SPAM1: variants seen among roughly 807,000 people sequenced by gnomAD.
The protein encoded by SPAM1 is hyaluronidase PH-20.
SPAM1 carries 22 observed loss-of-function variants against 29.6 expected under a neutral mutation model. That is an observed-to-expected ratio of 0.74 (90% CI 0.53 to 1.06). SPAM1 has a LOEUF of 1.06. Ranked by LOEUF, SPAM1 falls within the 50% of genes least tolerant of loss-of-function variation. The probability of loss-of-function intolerance (pLI) is 0.00; values close to 1 mark genes in which losing one functional copy is unlikely to be tolerated. For synonymous variants in SPAM1, 194 were observed against 204.6 expected (o/e 0.95, Z 0.44); for missense variants, 534 against 604.0 (o/e 0.88, Z 1.21).
chr7:123,939,040 T>C (rs1808342356), intron 1 of SPAM1, among the ~76,000 whole-genome samples: 1 of 151,956 alleles, frequency 6.6e-6, no homozygotes, highest in South Asian at 2.1e-4. Context: ...TCAGCAAAGC[T>C]ATTATGTTTT....
intron 1 of SPAM1, among the ~76,000 whole-genome samples, chr7:123,939,151 T>C (rs888807438): frequency 6.6e-6 from 1 of 150,726 alleles, no homozygotes; most frequent in African/African-American, 2.4e-5. Flanking sequence ...AGTGGTGCGA[T>C]CTCGGCTCAC....
At chr7:123,947,259 G>A (rs1379242182) in intron 1 of SPAM1, among the ~76,000 whole-genome samples, 1 of 152,000 alleles carries the variant, frequency 6.6e-6, no homozygotes, top group Non-Finnish European at 1.5e-5. Context: ...ACCAAATGCT[G>A]AGCAATAAGT....
At chr7:123,939,515 T>A (rs969463858) in intron 1 of SPAM1, among the ~76,000 whole-genome samples, 3 of 152,226 alleles carry the variant, frequency 2.0e-5, no homozygotes, top group Non-Finnish European at 4.4e-5. Flanking sequence ...ATGCTTGGTT[T>A]TTCTTTGAAT....
At chr7:123,961,317 T>C (rs1052307356), downstream of SPAM1, among the ~76,000 whole-genome samples, 3 of 151,924 alleles carry the variant, frequency 2.0e-5, no homozygotes, top group African/African-American at 7.2e-5. Flanking sequence ...CCTATCCTTC[T>C]CTCCTCCCAT....
rs768314840 is a variant in SPAM1, at chr7:123,954,520, C to T, written c.950C>T (p.Ser317Phe). Reference sequence around the variant, plus strand: ...ACTGATCAAGTTTTGAAATTCCTTTCTCAAGTAAGTAAATCAGGGTATGAG... The same window carrying T: ...ACTGATCAAGTTTTGAAATTCCTTTTTCAAGTAAGTAAATCAGGGTATGAG... ...VFTDQVLKFL[S>F]QDELVYTFGE... Residue 317 changes from serine (S) to phenylalanine (F), a missense_variant, in exon 3 of 5, where the codon TCT becomes TTT. Coordinates refer to ENST00000682466, the MANE Select transcript of SPAM1 (RefSeq NM_153189.3). 6.3e-7 allele frequency: 1 copy of T among 1,582,816 alleles called. No individual in the cohort carries two copies. Among genetic ancestry groups the T allele is most frequent in the South Asian group, 1.1e-5 (1 of 89,016 alleles).
chr7:123,938,107 A>G (rs754531467), intron 1 of SPAM1, among the ~76,000 whole-genome samples: 22 of 148,104 alleles, frequency 1.5e-4, no homozygotes, highest in Non-Finnish European at 2.7e-4. Context: ...TTTTTTCCTT[A>G]AAGAGATGGA....
In SPAM1 at chr7:123,953,689, C is replaced by T. The variant is rs754330955; in HGVS notation, c.119C>T (p.Ala40Val). ...IPCCLTLNFR[A>V]PPVIPNVPFL... ...TGTTGCTTGACTCTGAATTTCAGAG[C>T]ACCTCCTGTTATTCCAAATGTGCCT... The change falls in exon 3 of 5, where the codon GCA (alanine) becomes GTA (valine). Residue 40 changes from alanine to valine, a missense_variant. Coordinates refer to ENST00000682466, the MANE Select transcript of SPAM1 (RefSeq NM_153189.3). 6.8e-6 allele frequency: 11 copies of T among 1,612,944 alleles called. 1 individual carries two copies. In the South Asian group the frequency reaches 1.1e-4, roughly 16 times the overall value.
chr7:123,965,434 G>A (rs2117078370), intron 5 of SPAM1, among the ~76,000 whole-genome samples: 1 of 151,992 alleles, frequency 6.6e-6, no homozygotes, highest in Non-Finnish European at 1.5e-5. Context: ...TATAGTTTTG[G>A]GTTTTACATG....
In SPAM1 at chr7:123,966,952, C is replaced by T. The variant is rs529852207; in HGVS notation, c.1486-3246C>T. ...TACAATTTTTTTCTGAGTGCTATAT[C>T]GTAGGGAATAGGTTATCAAGGGCCG... is the stretch of plus-strand genomic sequence containing the variant. On this transcript the variant is annotated intron_variant, in intron 5 of 6. Transcript: ENST00000340011. Among the ~76,000 whole-genome samples the T allele has an allele frequency of 9.9e-5, 15 of 151,962 alleles. No individual in the cohort carries two copies. In the East Asian group the frequency reaches 1.2e-3, roughly 12 times the overall value.
At chr7:123,942,318 A>G (rs796155742) in intron 1 of SPAM1, among the ~76,000 whole-genome samples, 5 of 152,230 alleles carry the variant, frequency 3.3e-5, no homozygotes, top group Non-Finnish European at 7.3e-5. Context: ...ATTCGGCAAG[A>G]CTAGAATCTA....
intron 2 of SPAM1, among the ~76,000 whole-genome samples, chr7:123,952,369 A>G (rs1005877009): frequency 1.3e-5 from 2 of 152,132 alleles, no homozygotes; most frequent in Non-Finnish European, 2.9e-5. Flanking sequence ...GAAGAATAGT[A>G]TAATTCTTGT....
intron 1 of SPAM1, among the ~76,000 whole-genome samples, chr7:123,931,396 G>A (rs1045972906): frequency 6.6e-6 from 1 of 152,100 alleles, no homozygotes; most frequent in Non-Finnish European, 1.5e-5. Flanking sequence ...TTGACTGTAG[G>A]TCGTAAGACC....
chr7:123,934,119 C>T (rs571932250), intron 1 of SPAM1, among the ~76,000 whole-genome samples: 12 of 152,234 alleles, frequency 7.9e-5, no homozygotes, highest in Middle Eastern at 3.4e-3. Flanking sequence ...GTGTAATAGG[C>T]TATATCATCT....
At position 123,953,608 on chromosome 7, in the gene SPAM1, G is replaced by C; in HGVS notation, c.38G>C (p.Ser13Thr). The C allele has an allele frequency of 6.3e-7, 1 of 1,599,236 alleles. No individual in the cohort carries two copies. Among genetic ancestry groups the C allele is most frequent in the Admixed American group, 1.8e-5 (1 of 56,008 alleles). The stretch of plus-strand genomic sequence containing the variant: ...AAATTCAAGCACATCTTTTTCAGAA[G>C]CTTTGTTAAATCAAGTGGAGTATCC... ...VLKFKHIFFR[S>T]FVKSSGVSQI... The change falls in exon 3 of 5, where the codon AGC (serine) becomes ACC (threonine). Residue 13 changes from serine (S) to threonine (T), a missense_variant. By Grantham distance (58) the Ser-to-Thr change is moderately conservative (BLOSUM62 1). Coordinates refer to ENST00000682466, the MANE Select transcript of SPAM1 (RefSeq NM_153189.3).
chr7:123,942,462 A>G (rs985490482), intron 1 of SPAM1, among the ~76,000 whole-genome samples: 3 of 152,214 alleles, frequency 2.0e-5, no homozygotes, highest in African/African-American at 7.2e-5. Context: ...AGACAAGTCA[A>G]AGGACAAATT....
Position 123,953,446 on chromosome 7 carries a change from C to A in SPAM1, c.-125C>A. 5 of 554,730 alleles carry A rather than the reference C, an allele frequency of 9.0e-6. No individual in the cohort carries two copies. The highest frequency in any genetic ancestry group is 5.7e-5 in the South Asian group (2 of 34,994). The allele number at this position is 554,730 out of a possible 1,614,324, so 34.4% of individuals were successfully genotyped here. A position where few individuals can be genotyped will look rare whatever the true frequency, so the allele number is the denominator to read the frequency against. ...TTTAAATGTAACTTAATCATTATAC[C>A]TCTTTATCCATCAAAGTGAATTCAT... is the stretch of plus-strand genomic sequence containing the variant. On this transcript the variant is annotated 5_prime_UTR_variant, in exon 3 of 5. Coordinates refer to ENST00000682466, the MANE Select transcript of SPAM1 (RefSeq NM_153189.3).
intron 1 of SPAM1, among the ~76,000 whole-genome samples, chr7:123,947,060 A>C (rs1220996227): frequency 6.6e-6 from 1 of 152,218 alleles, no homozygotes; most frequent in African/African-American, 2.4e-5. Context: ...TCATAAAAGT[A>C]GTATTTTTCT....
intron 1 of SPAM1, among the ~76,000 whole-genome samples, chr7:123,931,576 T>C (rs917693533): frequency 1.3e-5 from 2 of 152,244 alleles, no homozygotes; most frequent in African/African-American, 4.8e-5. Context: ...CTTCATACTT[T>C]GCTGAACTGA....
At chr7:123,966,963 G>A (rs746136743) in intron 5 of SPAM1, among the ~76,000 whole-genome samples, 3 of 151,938 alleles carry the variant, frequency 2.0e-5, no homozygotes, top group Non-Finnish European at 4.4e-5. Context: ...GTAGGGAATA[G>A]GTTATCAAGG....
Sources: gnomAD v4.1 joint callset for allele counts (sites outside exome capture counted in the v4.1 genomes callset) on GRCh38, gnomAD v4.1.1 for gene constraint, MANE v1.5 for transcripts, NCBI Gene and HGNC (gene_info 2026-07-23, HGNC 2026-07-21) for gene names.